Variants in EYS observed in about 807,000 individuals in gnomAD.
The protein encoded by EYS is EGF-like photoreceptor maintenance factor, also known as protein eyes shut homolog.
A neutral mutation model predicts 282.1 loss-of-function variants in EYS; 250 were observed. The observed-to-expected ratio is 0.89, with a 90% CI of 0.80 to 0.98. The LOEUF is 0.98. Among genes scored for constraint, EYS ranks in the 50% least tolerant of loss-of-function variants. The pLI, the probability that EYS is intolerant of heterozygous loss-of-function variation, is 0.00. For missense variants in EYS, 4,016 were observed against 3,709.0 expected, an observed-to-expected ratio of 1.08 and a Z score of -2.15; for synonymous variants, 1,355 against 1,282.9, an observed-to-expected ratio of 1.06 and a Z score of -1.20.
chr6:63,876,492 T>C (rs1397151193), intron 35 of EYS, among the ~76,000 whole-genome samples: 1 of 152,244 alleles, frequency 6.6e-6, no homozygotes, highest in Non-Finnish European at 1.5e-5. Context: ...TTAGGTCCTC[T>C]TGGTGCAGAG....
intron 19 of EYS, among the ~76,000 whole-genome samples, chr6:64,828,096 C>T (rs561602494): frequency 6.6e-6 from 1 of 151,740 alleles, no homozygotes; most frequent in South Asian, 2.1e-4. Context: ...AATTTCAATG[C>T]TAGGAAAATA....
intron 36 of EYS, among the ~76,000 whole-genome samples, chr6:63,812,048 G>C (rs778566147): frequency 6.6e-6 from 1 of 152,004 alleles, no homozygotes; most frequent in Non-Finnish European, 1.5e-5. Flanking sequence ...TCTCTTTTCC[G>C]TATTGTAGCC....
At chr6:63,925,835 G>A (rs1476979460) in intron 35 of EYS, among the ~76,000 whole-genome samples, 5 of 151,970 alleles carry the variant, frequency 3.3e-5, no homozygotes, top group South Asian at 2.1e-4. Flanking sequence ...TAGTAGAGAC[G>A]GGGTTTCACC....
At chr6:64,732,303 G>T (rs1476843056) in intron 22 of EYS, among the ~76,000 whole-genome samples, 2 of 146,628 alleles carry the variant, frequency 1.4e-5, no homozygotes, top group Non-Finnish European at 1.5e-5. Flanking sequence ...AGAACTTAAA[G>T]TATTAAAAAA....
intron 18 of EYS, among the ~76,000 whole-genome samples, chr6:64,900,254 G>A (rs9445435): frequency 0.62 from 93,498 of 152,024 alleles, 29,039 homozygotes; most frequent in African/African-American, 0.7. Context: ...AGATTAAAAC[G>A]TAAGATCTAA....
intron 33 of EYS, among the ~76,000 whole-genome samples, chr6:64,027,833 G>A (rs780193191): frequency 1.4e-4 from 21 of 152,150 alleles, no homozygotes; most frequent in Non-Finnish European, 2.2e-4. Flanking sequence ...TGGGGCAAGC[G>A]CCAGCTCATG....
chr6:64,360,802 G>C (rs1039683183), intron 29 of EYS, among the ~76,000 whole-genome samples: 1 of 151,702 alleles, frequency 6.6e-6, no homozygotes, highest in Non-Finnish European at 1.5e-5. Context: ...TACTAGCTAG[G>C]TTAGTGAATG....
intron 5 of EYS, among the ~76,000 whole-genome samples, chr6:65,461,749 C>A (rs746716389): frequency 1.3e-5 from 2 of 151,994 alleles, no homozygotes; most frequent in African/African-American, 2.4e-5. Context: ...GCTTGCTACA[C>A]AATTATTAGA....
chr6:64,130,061 C>A (rs999335781), intron 31 of EYS, among the ~76,000 whole-genome samples: 5 of 152,056 alleles, frequency 3.3e-5, no homozygotes, highest in African/African-American at 9.7e-5. Context: ...AGTCAGGTAG[C>A]GTGATGCCTC....
chr6:64,145,856 C>G (rs1221989752), intron 31 of EYS, among the ~76,000 whole-genome samples: 1 of 152,082 alleles, frequency 6.6e-6, no homozygotes, highest in Admixed American at 6.6e-5. Flanking sequence ...AGCCATGACT[C>G]AAGGTGAATT....
intron 2 of EYS, among the ~76,000 whole-genome samples, chr6:65,512,160 G>A (rs1279201635): frequency 6.6e-6 from 1 of 151,932 alleles, no homozygotes; most frequent in African/African-American, 2.4e-5. Context: ...ATTACTACCT[G>A]CAGTTACTCA....
At chr6:63,902,267 TTGTC>T (rs1773676968) in intron 35 of EYS, among the ~76,000 whole-genome samples, 1 of 152,060 alleles carries the variant, frequency 6.6e-6, no homozygotes, top group African/African-American at 2.4e-5. Flanking sequence ...AAAATTCTGA[TTGTC>T]AATCAGAATT....
At chr6:63,776,428 CA>C (rs1204548948) in intron 40 of EYS, among the ~76,000 whole-genome samples, 1 of 152,094 alleles carries the variant, frequency 6.6e-6, no homozygotes, top group Non-Finnish European at 1.5e-5. Context: ...ACAGGGTGCT[CA>C]TACATCCTCT....
chr6:65,378,534 G>T (rs13155101), intron 8 of EYS, among the ~76,000 whole-genome samples: 1 of 152,128 alleles, frequency 6.6e-6, no homozygotes, highest in South Asian at 2.1e-4. Context: ...CCATTACTGG[G>T]TATATATCCA....
chr6:64,147,211 C>A lies in EYS; in HGVS notation c.6425-65209G>T, dbSNP rs571445116. On this transcript the variant is annotated intron_variant, in intron 31 of 42. Coordinates refer to ENST00000503581, the MANE Select transcript of EYS (RefSeq NM_001142800.2). ...ATCTGCCGTTGGGAGATCAATTGTT[C>A]CTGGCACTTAGAAAAGGAGATGGTA... 9.9e-5 allele frequency among the ~76,000 whole-genome samples: 15 copies of A among 152,134 alleles called. No individual in the cohort carries two copies. In the South Asian group the frequency reaches 2.9e-3, roughly 29 times the overall value.
intron 2 of EYS, among the ~76,000 whole-genome samples, chr6:65,589,251 A>T (rs1765153319): frequency 6.6e-6 from 1 of 151,964 alleles, no homozygotes; most frequent in South Asian, 2.1e-4. Flanking sequence ...CAACCCTTTA[A>T]AGCACCAGGC....
intron 28 of EYS, among the ~76,000 whole-genome samples, chr6:64,390,616 C>A (rs1337240552): frequency 6.6e-6 from 1 of 150,958 alleles, no homozygotes; most frequent in African/African-American, 2.5e-5. Flanking sequence ...TACCAAAAAC[C>A]CATCTGTACA....
chr6:65,456,679 T>C (rs1013628247), intron 5 of EYS, among the ~76,000 whole-genome samples: 3 of 151,580 alleles, frequency 2.0e-5, no homozygotes, highest in African/African-American at 7.3e-5. Flanking sequence ...TTTTAATACA[T>C]GCATAAAAAG....
chr6:64,187,532 TAAAAA>T (rs925350496), intron 31 of EYS, among the ~76,000 whole-genome samples: 1 of 151,844 alleles, frequency 6.6e-6, no homozygotes, highest in Non-Finnish European at 1.5e-5. Flanking sequence ...ATTAAATAAA[TAAAAA>T]AAATTTATAA....
Sources: gnomAD v4.1 joint callset for allele counts (sites outside exome capture counted in the v4.1 genomes callset) on GRCh38, gnomAD v4.1.1 for gene constraint, MANE v1.5 for transcripts, NCBI Gene and HGNC (gene_info 2026-07-23, HGNC 2026-07-21) for gene names.